BCKDHB: variants seen among roughly 807,000 people sequenced by gnomAD.
BCKDHB encodes 2-oxoisovalerate dehydrogenase subunit beta, mitochondrial.
BCKDHB carries 41 observed loss-of-function variants against 48.5 expected under a neutral mutation model. The observed-to-expected ratio is 0.85, with a 90% CI of 0.66 to 1.10. The LOEUF is 1.10. Ranked by LOEUF, BCKDHB falls within the 50% of genes least tolerant of loss-of-function variation. The probability of loss-of-function intolerance (pLI) is 0.00; values close to 1 mark genes in which losing one functional copy is unlikely to be tolerated. For synonymous variants in BCKDHB, 201 were observed against 174.8 expected, an observed-to-expected ratio of 1.15 and a Z score of -1.18; for missense variants, 496 against 494.2, an observed-to-expected ratio of 1.00 and a Z score of -0.03.
chr6:80,108,428 T>G (rs1414011680), intron 1 of BCKDHB, among the ~76,000 whole-genome samples: 1 of 151,610 alleles, frequency 6.6e-6, no homozygotes, highest in Non-Finnish European at 1.5e-5. Context: ...TTTCCATAGT[T>G]GTAAACTTAC....
At chr6:80,186,518 A>G (rs1773649081) in intron 6 of BCKDHB, among the ~76,000 whole-genome samples, 1 of 152,178 alleles carries the variant, frequency 6.6e-6, no homozygotes, top group East Asian at 1.9e-4. Context: ...CAGGGCTCTC[A>G]GGCCTTGCCC....
chr6:80,115,142 A>AT (rs994281993), intron 1 of BCKDHB, among the ~76,000 whole-genome samples: 2 of 151,704 alleles, frequency 1.3e-5, no homozygotes, highest in Non-Finnish European at 2.9e-5. Flanking sequence ...CTTTCATTTC[A>AT]TTTTTTTTAA....
At chr6:80,383,689 A>G in the BCKDHB span, among the ~76,000 whole-genome samples, 1 of 152,102 alleles carries the variant, frequency 6.6e-6, no homozygotes, top group Non-Finnish European at 1.5e-5. Context: ...TTTAATCAGT[A>G]GTACATTCAT....
At chr6:80,297,714 T>A (rs1439887319) in intron 9 of BCKDHB, among the ~76,000 whole-genome samples, 3 of 152,212 alleles carry the variant, frequency 2.0e-5, no homozygotes, top group African/African-American at 7.2e-5. Context: ...TTTCCATAAC[T>A]TGTAGGTGGC....
intron 9 of BCKDHB, among the ~76,000 whole-genome samples, chr6:80,325,321 T>C (rs1356000039): frequency 6.6e-6 from 1 of 152,212 alleles, no homozygotes; most frequent in Admixed American, 6.5e-5. Flanking sequence ...ATAATTACAT[T>C]TCTGGAGATT....
chr6:80,217,259 A>C (rs1178105913), intron 8 of BCKDHB, among the ~76,000 whole-genome samples: 1 of 151,968 alleles, frequency 6.6e-6, no homozygotes, highest in East Asian at 1.9e-4. Flanking sequence ...AAAAAGAAAA[A>C]AACAAAACAA....
intron 3 of BCKDHB, among the ~76,000 whole-genome samples, chr6:80,136,999 ATT>A (rs1184467408): frequency 1.3e-5 from 2 of 152,158 alleles, no homozygotes; most frequent in Admixed American, 6.6e-5. Flanking sequence ...ATCATTGTGC[ATT>A]GTTGGTGGGA....
At chr6:80,222,532 A>G (rs193080119) in intron 8 of BCKDHB, among the ~76,000 whole-genome samples, 2 of 152,110 alleles carry the variant, frequency 1.3e-5, no homozygotes, top group East Asian at 3.8e-4. Context: ...CTAAGATCTG[A>G]TAAGTCTTTC....
rs1363772258 is a variant in BCKDHB at position 80,138,297 on chromosome 6, TTTA to T, written c.343+9079_343+9081del. Among the ~76,000 whole-genome samples, 11 of 152,214 alleles carry T rather than the reference TTTA, an allele frequency of 7.2e-5. No individual in the cohort carries two copies. The East Asian group carries it at 1.9e-3, about 27-fold the overall frequency. Reference sequence around the variant, plus strand: ...ACATAAAAATAAGGAATTCTTTTTTTTTATTATTATTATACTTTAAGTTTTAGG... The same window carrying T: ...ACATAAAAATAAGGAATTCTTTTTTTTTATTATTATACTTTAAGTTTTAGG... On this transcript the variant is annotated intron_variant, in intron 3 of 9. Transcript: ENST00000320393.
At chr6:80,398,402 C>T in the BCKDHB span, among the ~76,000 whole-genome samples, 1 of 152,148 alleles carries the variant, frequency 6.6e-6, no homozygotes, top group Non-Finnish European at 1.5e-5. Flanking sequence ...AATGTTACCA[C>T]TGACCACATA....
At chr6:80,411,125 T>C in the BCKDHB span, among the ~76,000 whole-genome samples, 20 of 148,806 alleles carry the variant, frequency 1.3e-4, no homozygotes, top group Non-Finnish European at 2.7e-4. Context: ...TACAGATGGG[T>C]TTTTTGTGTG....
intron 9 of BCKDHB, among the ~76,000 whole-genome samples, chr6:80,312,058 C>A (rs1202305859): frequency 6.6e-6 from 1 of 152,120 alleles, no homozygotes; most frequent in Non-Finnish European, 1.5e-5. Flanking sequence ...ATTAATGAGT[C>A]TGGAATGTTT....
intron 1 of BCKDHB, among the ~76,000 whole-genome samples, 163 bp downstream of exon 1, chr6:80,107,052 C>G (rs572014631): frequency 1.0e-3 from 153 of 152,076 alleles, no homozygotes; most frequent in Non-Finnish European, 1.4e-3. Flanking sequence ...CTGTGGTTCA[C>G]TTCTTGCTCT....
intron 1 of BCKDHB, 200 bp from the exon 2 acceptor site, chr6:80,127,347 G>A (rs975621569): frequency 5.4e-6 from 3 of 559,244 alleles, no homozygotes; most frequent in African/African-American, 3.8e-5. Flanking sequence ...TTTAATATGG[G>A]TAAATTTTGC....
chr6:80,442,719 A>G, the BCKDHB span, among the ~76,000 whole-genome samples: 1 of 152,136 alleles, frequency 6.6e-6, no homozygotes, highest in East Asian at 1.9e-4. Context: ...TAAGCTAGTG[A>G]GGGGAGAGTA....
At chr6:80,211,300 A>C (rs954858427) in intron 8 of BCKDHB, among the ~76,000 whole-genome samples, 1 of 152,224 alleles carries the variant, frequency 6.6e-6, no homozygotes, top group Non-Finnish European at 1.5e-5. Context: ...TATACCGTAC[A>C]GTCTTTTTAA....
chr6:80,126,231 C>G (rs1224080653), intron 1 of BCKDHB, among the ~76,000 whole-genome samples: 1 of 152,004 alleles, frequency 6.6e-6, no homozygotes, highest in Admixed American at 6.6e-5. Flanking sequence ...CCTGGGCATT[C>G]AGTACTGTTG....
At chr6:80,224,623 T>G (rs1189508903) in intron 8 of BCKDHB, among the ~76,000 whole-genome samples, 1 of 152,192 alleles carries the variant, frequency 6.6e-6, no homozygotes, top group Non-Finnish European at 1.5e-5. Flanking sequence ...CTTGAACTCC[T>G]GAGCTCAAGC....
chr6:80,151,432 T>C (rs558267002), intron 3 of BCKDHB, among the ~76,000 whole-genome samples: 1 of 150,688 alleles, frequency 6.6e-6, no homozygotes, highest in Non-Finnish European at 1.5e-5. Context: ...TTTTTTTTTT[T>C]GTTTTTTTGT....
Sources: gnomAD v4.1 joint callset for allele counts (sites outside exome capture counted in the v4.1 genomes callset) on GRCh38, gnomAD v4.1.1 for gene constraint, MANE v1.5 for transcripts, NCBI Gene and HGNC (gene_info 2026-07-23, HGNC 2026-07-21) for gene names.